The following GDPD1 variants were observed in gnomAD, a reference collection of about 807,000 sequenced individuals.
GDPD1 encodes lysophospholipase D GDPD1.
GDPD1 carries 28 observed loss-of-function variants against 45.1 expected under a neutral mutation model. That is an observed-to-expected ratio of 0.62 (90% CI 0.46 to 0.85). The LOEUF is 0.85. GDPD1 is among the 40% of genes least tolerant of loss of function. GDPD1 has a pLI of 0.00. For missense variants in GDPD1, 256 were observed against 364.8 expected (o/e 0.70, Z 2.43); for synonymous variants, 139 against 131.4 (o/e 1.06, Z -0.40).
chr17:59,239,772 T>C (rs2047161331), intron 2 of GDPD1, among the ~76,000 whole-genome samples: 1 of 151,968 alleles, frequency 6.6e-6, no homozygotes, highest in African/African-American at 2.4e-5. Context: ...GTTTTTTTTT[T>C]TTTTAATTGC....
At position 59,275,418 on chromosome 17, in the gene GDPD1, T is replaced by C. The variant is rs2047474099; in HGVS notation, c.*1645T>C. 5.3e-6 allele frequency: 2 copies of C among 374,944 alleles called. No individual in the cohort carries two copies. Among genetic ancestry groups the C allele is most frequent in the Non-Finnish European group, 9.7e-6 (2 of 205,362 alleles). The allele number at this position is 374,944 out of a possible 1,614,324, so 23.2% of individuals were successfully genotyped here. A position where few individuals can be genotyped will look rare whatever the true frequency, so the allele number is the denominator to read the frequency against. ...AGACCTTTTTCAGGTGTGTAGCAATTCTACCATGTCCATTTTTTTAAGCAT... is the reference window on the plus strand; with the variant it reads ...AGACCTTTTTCAGGTGTGTAGCAATCCTACCATGTCCATTTTTTTAAGCAT... On this transcript the variant is annotated 3_prime_UTR_variant, in exon 10 of 10. Coordinates refer to ENST00000284116, the MANE Select transcript of GDPD1 (RefSeq NM_182569.4).
At chr17:59,237,735 T>C (rs1489238491) in intron 2 of GDPD1, among the ~76,000 whole-genome samples, 1 of 151,974 alleles carries the variant, frequency 6.6e-6, no homozygotes, top group Non-Finnish European at 1.5e-5. Flanking sequence ...GTATTAAGAC[T>C]AGAAGGGCTG....
At chr17:59,229,851 C>T (rs2047075721) in intron 1 of GDPD1, among the ~76,000 whole-genome samples, 1 of 152,122 alleles carries the variant, frequency 6.6e-6, no homozygotes, top group Admixed American at 6.6e-5. Context: ...CTTATGCAAG[C>T]GTGCCCACAA....
Position 59,270,938 on chromosome 17 carries a change from TA to T in GDPD1, c.717del (p.Glu240AsnfsTer20). ...ATTCAAACTTTATTTTACCCTAGGC[TA>T]AAAGAACCACACACCATGTCCAGAA... ...EIPMPSIILKLKEPHTMSRSQ... is the reference protein window; with the variant it reads ...EIPMPSIILKXKEPHTMSRSQ... On this transcript the variant is annotated frameshift_variant, in exon 8 of 10. Coordinates refer to ENST00000284116, the MANE Select transcript of GDPD1 (RefSeq NM_182569.4). LOFTEE classifies it high-confidence loss of function. 1 of 1,593,264 alleles carries T rather than the reference TA, an allele frequency of 6.3e-7. No individual in the cohort carries two copies. The highest frequency in any genetic ancestry group is 8.6e-7 in the Non-Finnish European group (1 of 1,166,490).
intron 4 of GDPD1, among the ~76,000 whole-genome samples, chr17:59,250,410 C>T (rs1204253870): frequency 2.0e-5 from 3 of 151,890 alleles, no homozygotes; most frequent in Non-Finnish European, 4.4e-5. Flanking sequence ...TGCTTGAGAC[C>T]AACAGGTTGA....
At chr17:59,256,472 T>G (rs1224895081) in intron 4 of GDPD1, among the ~76,000 whole-genome samples, 2 of 152,244 alleles carry the variant, frequency 1.3e-5, no homozygotes, top group African/African-American at 4.8e-5. Flanking sequence ...CATTACTGAT[T>G]TAGTGTATAC....
At chr17:59,232,327 G>A (rs1381275704) in intron 1 of GDPD1, among the ~76,000 whole-genome samples, 1 of 151,976 alleles carries the variant, frequency 6.6e-6, no homozygotes, top group Non-Finnish European at 1.5e-5. Context: ...GTATATGCCT[G>A]TAGTCCCAGC....
chr17:59,227,031 G>A (rs1406352088), intron 1 of GDPD1, among the ~76,000 whole-genome samples: 1 of 151,992 alleles, frequency 6.6e-6, no homozygotes, highest in African/African-American at 2.4e-5. Flanking sequence ...TTTCTATTAA[G>A]AAGAAATTGA....
intron 2 of GDPD1, among the ~76,000 whole-genome samples, chr17:59,242,285 A>G (rs2047181109): frequency 6.6e-6 from 1 of 152,180 alleles, no homozygotes; most frequent in Admixed American, 6.5e-5. Context: ...CTGGCCTTGA[A>G]CTACTGACCT....
chr17:59,251,519 CA>C (rs112165058), intron 4 of GDPD1, among the ~76,000 whole-genome samples: 4,248 of 126,950 alleles, frequency 0.033, 88 homozygotes, highest in Non-Finnish European at 0.052. Context: ...GACTGTGTCT[CA>C]AAAAAAAAAA....
intron 2 of GDPD1, among the ~76,000 whole-genome samples, chr17:59,242,345 G>A (rs142793529): frequency 4.7e-4 from 71 of 152,348 alleles, no homozygotes; most frequent in African/African-American, 1.7e-3. Flanking sequence ...TTACAGGTGT[G>A]AGCCACCATT....
At chr17:59,252,164 G>T (rs941173758) in intron 4 of GDPD1, among the ~76,000 whole-genome samples, 1 of 151,982 alleles carries the variant, frequency 6.6e-6, no homozygotes, top group African/African-American at 2.4e-5. Context: ...GCCGAGGCAG[G>T]TGGATCACTT....
At chr17:59,272,518 G>A (rs1483256805) in intron 8 of GDPD1, among the ~76,000 whole-genome samples, 1 of 152,208 alleles carries the variant, frequency 6.6e-6, no homozygotes, top group Non-Finnish European at 1.5e-5. Context: ...CCATTGAGCT[G>A]TGCCAACAAG....
chr17:59,273,167 A>G (rs906551012), intron 9 of GDPD1: 41 of 164,636 alleles, frequency 2.5e-4, no homozygotes, highest in Non-Finnish European at 4.3e-4. Context: ...TCACTCTGTC[A>G]CCCAGGCTGG....
intron 1 of GDPD1, among the ~76,000 whole-genome samples, chr17:59,222,332 G>T (rs1310323541): frequency 3.3e-5 from 5 of 151,570 alleles, no homozygotes; most frequent in Admixed American, 2.0e-4. Context: ...TCAGCCTCCC[G>T]AGTAGCTGGG....
At chr17:59,256,044 G>A (rs1039638589) in intron 4 of GDPD1, among the ~76,000 whole-genome samples, 52 of 149,854 alleles carry the variant, frequency 3.5e-4, no homozygotes, top group African/African-American at 1.3e-3. Flanking sequence ...AAGGGACCGG[G>A]TACATGGTTC....
At chr17:59,273,592 TA>T in intron 9 of GDPD1, 58 bp from the exon 10 acceptor site, 1 of 1,019,994 alleles carries the variant, frequency 9.8e-7, no homozygotes, top group Non-Finnish European at 1.4e-6. Context: ...AATACTGTTA[TA>T]AAAATAATTT....
chr17:59,261,091 G>A (rs969075323), intron 6 of GDPD1, among the ~76,000 whole-genome samples: 1 of 152,078 alleles, frequency 6.6e-6, no homozygotes, highest in African/African-American at 2.4e-5. Flanking sequence ...TCAGACTCCC[G>A]ACTAGCTGGG....
chr17:59,248,865 A>T, intron 4 of GDPD1, 80 bp downstream of exon 4: 5 of 992,566 alleles, frequency 5.0e-6, no homozygotes, highest in Non-Finnish European at 7.8e-6. Context: ...GTTCTTACTA[A>T]AAGTAACTGA....
Sources: gnomAD v4.1 joint callset for allele counts (sites outside exome capture counted in the v4.1 genomes callset) on GRCh38, gnomAD v4.1.1 for gene constraint, MANE v1.5 for transcripts, NCBI Gene and HGNC (gene_info 2026-07-23, HGNC 2026-07-21) for gene names.